Variants in ITGAD observed in about 807,000 individuals in gnomAD.
ITGAD encodes the protein integrin alpha-D.
ITGAD carries 105 observed loss-of-function variants against 139.0 expected under a neutral mutation model. The observed-to-expected ratio is 0.76, with a 90% confidence interval of 0.65 to 0.89. The LOEUF is 0.89. Ranked by LOEUF, ITGAD falls within the 40% of genes least tolerant of loss-of-function variation. The pLI, the probability that ITGAD is intolerant of heterozygous loss-of-function variation, is 0.00. For missense variants in ITGAD, 1,384 were observed against 1,487.3 expected (o/e 0.93, Z 1.14); for synonymous variants, 569 against 598.3 (o/e 0.95, Z 0.71).
chr16:31,416,069 C>A, intron 18 of ITGAD, 144 bp from the exon 19 acceptor site: 1 of 559,208 alleles, frequency 1.8e-6, no homozygotes, highest in Non-Finnish European at 3.1e-6. Flanking sequence ...AACCTCCAAA[C>A]CGCACCTGCG....
At chr16:31,420,479 C>T (rs2081987067) in intron 23 of ITGAD, among the ~76,000 whole-genome samples, 1 of 152,088 alleles carries the variant, frequency 6.6e-6, no homozygotes, top group South Asian at 2.1e-4. Flanking sequence ...CTCACTGCAA[C>T]CTCCACCTCC....
chr16:31,402,103 A>G lies in ITGAD; in HGVS notation c.428-12A>G. 1 of 1,612,044 alleles carries G rather than the reference A, an allele frequency of 6.2e-7. No homozygotes were observed. Among genetic ancestry groups the G allele is most frequent in the Non-Finnish European group, 8.5e-7 (1 of 1,178,410 alleles). On this transcript the variant is annotated splice_polypyrimidine_tract_variant and intron_variant, in intron 5 of 29. Coordinates refer to ENST00000389202, the MANE Select transcript of ITGAD (RefSeq NM_005353.3). ...CGCAGTGCATCTCCGATTCCTCCCCATTCCCCCACAGAGTGTCCACATCAA... is the reference window on the plus strand; with the variant it reads ...CGCAGTGCATCTCCGATTCCTCCCCGTTCCCCCACAGAGTGTCCACATCAA...
chr16:31,413,260 A>G lies in ITGAD; in HGVS notation c.1996+14A>G. ...TGGACCAGCTAGGTGTGTTTCCCCC[A>G]TAAAGGGGGCCCAGGCCCCTCATTC... On this transcript the variant is annotated intron_variant, in intron 16 of 29. Coordinates refer to ENST00000389202, the MANE Select transcript of ITGAD (RefSeq NM_005353.3). 6.2e-7 allele frequency: 1 copy of G among 1,613,282 alleles called. No individual in the cohort carries two copies.
Position 31,411,502 on chromosome 16 carries a change from C to T in ITGAD, c.1692C>T (p.Ser564=). Residue 564 remains serine, a synonymous_variant, in exon 14 of 30, where the codon AGC becomes AGT. Transcript: ENST00000389202. The stretch of plus-strand genomic sequence containing the variant: ...ACGGAGCCTCAGAATCCGGCATCAG[C>T]CCCTCCCACAGCCAGGTGAGGCCCG... ...LFHGASESGI[S]PSHSQRIASS... The T allele has an allele frequency of 6.2e-7, 1 of 1,614,122 alleles. No individual in the cohort carries two copies. Among genetic ancestry groups the T allele is most frequent in the African/African-American group, 1.3e-5 (1 of 75,046 alleles).
At chr16:31,393,470 G>A in intron 1 of ITGAD, 79 bp downstream of exon 1, 2 of 1,511,112 alleles carry the variant, frequency 1.3e-6, no homozygotes, top group Non-Finnish European at 1.8e-6. Context: ...GCTGGGGGCT[G>A]GTGGTCGGCT....
chr16:31,413,072 A>T lies in ITGAD; in HGVS notation c.1839-17A>T. 6.2e-7 allele frequency: 1 copy of T among 1,613,638 alleles called. No homozygotes were observed. Among genetic ancestry groups the T allele is most frequent in the Non-Finnish European group, 8.5e-7 (1 of 1,179,822 alleles). On this transcript the variant is annotated splice_polypyrimidine_tract_variant and intron_variant, in intron 15 of 29. Coordinates refer to ENST00000389202, the MANE Select transcript of ITGAD (RefSeq NM_005353.3). ...CAGAAGCCAGTGTTCTGTCCTCCCCACTACTCTGCCCCTCAGGAGTCTGCC... is the reference window on the plus strand; with the variant it reads ...CAGAAGCCAGTGTTCTGTCCTCCCCTCTACTCTGCCCCTCAGGAGTCTGCC...
intron 25 of ITGAD, 27 bp from the exon 26 acceptor site, chr16:31,423,544 T>C (rs763936721): frequency 6.2e-7 from 1 of 1,610,602 alleles, no homozygotes; most frequent in East Asian, 2.2e-5. Flanking sequence ...GCTCATTCTG[T>C]GGCTAAGTGC....
In ITGAD at chr16:31,424,574, C is replaced by G; in HGVS notation, c.3369C>G (p.Tyr1123Ter). Residue 1123 changes from tyrosine (Y) to a stop codon, truncating the protein, a stop_gained, in exon 29 of 30, where the codon TAC (tyrosine) becomes TAG (stop). Coordinates refer to ENST00000389202, the MANE Select transcript of ITGAD (RefSeq NM_005353.3). LOFTEE classifies it low-confidence loss of function (END_TRUNC). ...LLLALITATL[Y>*]KLGFFKRHYK... ...TGGCGCTCATCACAGCCACACTGTA[C>G]AAGGCAAGTGTTTTATCCAACTCTT... The G allele has an allele frequency of 6.5e-7, 1 of 1,536,772 alleles. No individual in the cohort carries two copies. The highest frequency in any genetic ancestry group is 8.9e-7 in the Non-Finnish European group (1 of 1,125,012).
chr16:31,423,750 C>T, intron 26 of ITGAD, 95 bp from the exon 27 acceptor site: 2 of 1,519,518 alleles, frequency 1.3e-6, no homozygotes, highest in Non-Finnish European at 1.8e-6. Flanking sequence ...CCTGTAACTG[C>T]TCATCTGTTC....
intron 18 of ITGAD, 25 bp from the exon 19 acceptor site, chr16:31,416,188 A>G: frequency 6.3e-7 from 1 of 1,578,002 alleles, no homozygotes; most frequent in Non-Finnish European, 8.7e-7. Flanking sequence ...GTCAGATGGG[A>G]ACAGAATATA....
intron 14 of ITGAD, 45 bp downstream of exon 14, chr16:31,411,562 G>T (rs762286998): frequency 6.3e-7 from 1 of 1,590,796 alleles, no homozygotes; most frequent in Non-Finnish European, 8.6e-7. Flanking sequence ...TCCTTCCCAT[G>T]TCCTGAGTTC....
intron 21 of ITGAD, 21 bp downstream of exon 21, chr16:31,418,212 C>G: frequency 1.2e-6 from 2 of 1,606,022 alleles, no homozygotes; most frequent in Non-Finnish European, 1.7e-6. Flanking sequence ...CTCCCTAAAT[C>G]CCCATCACTG....
At chr16:31,412,529 A>G (rs1291699672) in intron 14 of ITGAD, among the ~76,000 whole-genome samples, 2 of 152,014 alleles carry the variant, frequency 1.3e-5, no homozygotes, top group Non-Finnish European at 2.9e-5. Flanking sequence ...GGAGGGACAG[A>G]CAGATTGAGT....
In ITGAD at chr16:31,408,408, G is replaced by A; in HGVS notation, c.1010-17G>A. The A allele has an allele frequency of 6.2e-7, 1 of 1,611,976 alleles. No individual in the cohort carries two copies. The highest frequency in any genetic ancestry group is 8.5e-7 in the Non-Finnish European group (1 of 1,178,424). On this transcript the variant is annotated splice_polypyrimidine_tract_variant and intron_variant, in intron 9 of 29. Transcript: ENST00000389202. ...TCTCATGGCTTCTAGGAACTTCACTGACCTGTTTCCCCACAGGAACCCAGT... is the reference window on the plus strand; with the variant it reads ...TCTCATGGCTTCTAGGAACTTCACTAACCTGTTTCCCCACAGGAACCCAGT...
At chr16:31,414,088 AC>A (rs1360487213) in intron 16 of ITGAD, among the ~76,000 whole-genome samples, 2 of 152,136 alleles carry the variant, frequency 1.3e-5, no homozygotes, top group Admixed American at 1.3e-4. Flanking sequence ...TAATCTAATC[AC>A]CTATCTAATC....
chr16:31,424,663 T>C (rs2142863467), intron 29 of ITGAD, 86 bp downstream of exon 29: 1 of 875,450 alleles, frequency 1.1e-6, no homozygotes, highest in Non-Finnish European at 1.7e-6. Flanking sequence ...AATGGCATGA[T>C]CTTGGCTCAC....
In ITGAD at chr16:31,423,604, C is replaced by A; in HGVS notation, c.3001C>A (p.Gln1001Lys). 1 of 1,614,154 alleles carries A rather than the reference C, an allele frequency of 6.2e-7. No individual in the cohort carries two copies. Among genetic ancestry groups the A allele is most frequent in the Non-Finnish European group, 8.5e-7 (1 of 1,180,026 alleles). Reference sequence around the variant, plus strand: ...CTGTGTTTCAGAGAGAAAACCTCCCCAGCATTCTGACTTCCTGACCCAGAT... The same window carrying A: ...CTGTGTTTCAGAGAGAAAACCTCCCAAGCATTCTGACTTCCTGACCCAGAT... The part of the protein sequence containing the change: ...LPCVSERKPP[Q>K]HSDFLTQISR... The change falls in exon 26 of 30, where the codon CAG becomes AAG. Residue 1001 changes from glutamine (Q) to lysine (K), a missense_variant. Gln to Lys is a moderately conservative substitution (Grantham distance 53). Transcript: ENST00000389202.
intron 1 of ITGAD, 85 bp from the exon 2 acceptor site, chr16:31,394,151 G>GAAAAAAAAGA: frequency 1.7e-6 from 1 of 595,908 alleles, no homozygotes; most frequent in Non-Finnish European, 2.8e-6. Context: ...AAAAAAAAAA[G>GAAAAAAAAGA]AAAAAAAAGA....
chr16:31,422,962 A>G, intron 23 of ITGAD, 152 bp from the exon 24 acceptor site: 1 of 662,882 alleles, frequency 1.5e-6, no homozygotes, highest in East Asian at 2.7e-5. Context: ...AAGTGCTGGG[A>G]TTACAGGCAT....
Sources: allele counts gnomAD v4.1 joint callset (sites outside exome capture counted in the v4.1 genomes callset), GRCh38; gene constraint gnomAD v4.1.1; transcripts MANE v1.5; gene names NCBI Gene and HGNC (gene_info 2026-07-23, HGNC 2026-07-21).